KMT2E: variants seen among roughly 807,000 people sequenced by gnomAD.
KMT2E encodes the protein lysine methyltransferase 2E (inactive).
KMT2E carries 30 observed loss-of-function variants against 184.6 expected under a neutral mutation model. That is an observed-to-expected ratio of 0.16 (90% CI 0.12 to 0.22). The LOEUF (loss-of-function observed/expected upper bound fraction) is 0.22. KMT2E is among the 10% of genes least tolerant of loss of function. KMT2E has a pLI of 1.00. For synonymous variants in KMT2E, 815 were observed against 776.5 expected, an observed-to-expected ratio of 1.05 and a Z score of -0.82; for missense variants, 2,023 against 2,237.4, an observed-to-expected ratio of 0.90 and a Z score of 1.93.
Position 105,073,684 on chromosome 7 carries a change from A to T in KMT2E, c.556+7A>T, listed in dbSNP as rs1562908202. The T allele has an allele frequency of 6.4e-7, 1 of 1,557,442 alleles. No homozygotes were observed. The highest frequency in any genetic ancestry group is 2.2e-5 in the East Asian group (1 of 44,480). On this transcript the variant is annotated splice_region_variant and intron_variant, in intron 7 of 26. Transcript: ENST00000311117. ...AAAAGGGAAAATATGTCAGGTAGGTAAAAAGGACCTACACTAAATTAAAAT... is the reference window on the plus strand; with the variant it reads ...AAAAGGGAAAATATGTCAGGTAGGTTAAAAGGACCTACACTAAATTAAAAT...
intron 26 of KMT2E, chr7:105,111,336 A>C (rs1023139494): frequency 5.8e-6 from 1 of 171,290 alleles, no homozygotes; most frequent in Non-Finnish European, 1.2e-5. Flanking sequence ...ATTGACATTT[A>C]AACAGTCTTA....
intron 1 of KMT2E, among the ~76,000 whole-genome samples, chr7:105,021,778 G>T (rs903549342): frequency 1.3e-5 from 2 of 151,730 alleles, no homozygotes; most frequent in African/African-American, 4.9e-5. Context: ...TACTTGGGAG[G>T]GCTTCCAAAA....
intron 1 of KMT2E, among the ~76,000 whole-genome samples, chr7:105,015,221 T>C (rs910707925): frequency 7.9e-5 from 12 of 152,156 alleles, no homozygotes; most frequent in African/African-American, 2.7e-4. Flanking sequence ...ACAATATGGC[T>C]CATTTCAGAA....
At chr7:105,062,650 A>G (rs1796866236) in intron 4 of KMT2E, among the ~76,000 whole-genome samples, 1 of 151,828 alleles carries the variant, frequency 6.6e-6, no homozygotes. Context: ...TAAATTTTAT[A>G]GTTACCATTT....
chr7:105,107,034 A>T (rs1183278791), intron 20 of KMT2E, 132 bp from the exon 21 acceptor site: 5 of 642,116 alleles, frequency 7.8e-6, no homozygotes, highest in Non-Finnish European at 1.3e-5. Flanking sequence ...TATTTGGGGA[A>T]TGGAAATAAA....
At chr7:105,072,402 G>A (rs1327091837) in intron 6 of KMT2E, among the ~76,000 whole-genome samples, 1 of 152,130 alleles carries the variant, frequency 6.6e-6, no homozygotes, top group East Asian at 1.9e-4. Context: ...ATTATTCTGT[G>A]ATAGCTAGGA....
chr7:105,048,106 G>T (rs1220468611), intron 3 of KMT2E, among the ~76,000 whole-genome samples: 1 of 152,082 alleles, frequency 6.6e-6, no homozygotes, highest in Non-Finnish European at 1.5e-5. Context: ...GTGTGATCAT[G>T]GGTCACTGAA....
intron 1 of KMT2E, among the ~76,000 whole-genome samples, chr7:105,029,018 A>G (rs1193424738): frequency 6.6e-6 from 1 of 152,122 alleles, no homozygotes; most frequent in South Asian, 2.1e-4. Flanking sequence ...TAATCCCAGC[A>G]CTTTGGGAGG....
At chr7:105,073,598 T>A in intron 6 of KMT2E, 21 bp from the exon 7 acceptor site, 1 of 1,491,354 alleles carries the variant, frequency 6.7e-7, no homozygotes, top group Non-Finnish European at 9.3e-7. Flanking sequence ...GATAAATAAT[T>A]ATGCTAATTT....
chr7:105,097,602 G>C (rs1798466979), intron 15 of KMT2E, among the ~76,000 whole-genome samples: 1 of 152,114 alleles, frequency 6.6e-6, no homozygotes, highest in African/African-American at 2.4e-5. Flanking sequence ...GGCCAGGCTG[G>C]TCTTGAACTC....
Position 105,112,195 on chromosome 7 carries a change from C to T in KMT2E, c.4439C>T (p.Pro1480Leu). 6.2e-7 allele frequency: 1 copy of T among 1,614,116 alleles called. No homozygotes were observed. Among genetic ancestry groups the T allele is most frequent in the Non-Finnish European group, 8.5e-7 (1 of 1,180,000 alleles). ...CAGCAGTTAGGATCTCCCTACAGGCCTCATCATTCACAGTCACCTCAAGTT... is the reference window on the plus strand; with the variant it reads ...CAGCAGTTAGGATCTCCCTACAGGCTTCATCATTCACAGTCACCTCAAGTT... ...PSQQLGSPYR[P>L]HHSQSPQVGT... is the part of the protein sequence containing the mutation. Residue 1480 changes from proline (P) to leucine (L), a missense_variant, in exon 27 of 27, where the codon CCT becomes CTT. By Grantham distance (98) the Pro-to-Leu change is moderately conservative. This residue lies in a region of KMT2E where 1,108 missense variants were observed against 1,050.9 expected (regional missense o/e 1.05). Coordinates refer to ENST00000311117, the MANE Select transcript of KMT2E (RefSeq NM_182931.3).
At chr7:105,079,465 C>G (rs1179212904) in intron 12 of KMT2E, among the ~76,000 whole-genome samples, 1 of 147,556 alleles carries the variant, frequency 6.8e-6, no homozygotes, top group Non-Finnish European at 1.5e-5. Context: ...TACTTTGCAC[C>G]TTGAAGAAAT....
intron 1 of KMT2E, among the ~76,000 whole-genome samples, chr7:105,018,980 TATAAAATGAGTATTTTACTTTATATAAA>T (rs1193467845): frequency 6.6e-6 from 1 of 152,142 alleles, no homozygotes; most frequent in Non-Finnish European, 1.5e-5. Flanking sequence ...CTTTGTATAA[TATAAAATGAGTATTTTACTTTATATAAA>T]ATACTCTGTT....
At chr7:105,092,081 A>G (rs1490059538) in intron 15 of KMT2E, among the ~76,000 whole-genome samples, 1 of 152,026 alleles carries the variant, frequency 6.6e-6, no homozygotes, top group Non-Finnish European at 1.5e-5. Flanking sequence ...TCTATGTTGT[A>G]TTCCATGGAC....
intron 3 of KMT2E, among the ~76,000 whole-genome samples, chr7:105,050,536 C>G (rs1345027275): frequency 6.6e-6 from 1 of 152,180 alleles, no homozygotes; most frequent in Non-Finnish European, 1.5e-5. Flanking sequence ...CCCAAGTTGA[C>G]AGCTTCACTT....
intron 7 of KMT2E, among the ~76,000 whole-genome samples, chr7:105,074,337 T>A (rs1797444798): frequency 1.3e-5 from 2 of 152,230 alleles, no homozygotes; most frequent in Admixed American, 1.3e-4. Flanking sequence ...ATAATTTTGC[T>A]AGATATGGCT....
At position 105,014,428 on chromosome 7, in the gene KMT2E, T is replaced by A. The variant is rs2129563557; in HGVS notation, c.-296T>A. Reference sequence around the variant, plus strand: ...GGGGTGTGTGGAGCCGGGTCCTGTGTCCGCAGTGGCTGCTGTCGGGGGGTC... The same window carrying A: ...GGGGTGTGTGGAGCCGGGTCCTGTGACCGCAGTGGCTGCTGTCGGGGGGTC... On this transcript the variant is annotated 5_prime_UTR_variant, in exon 1 of 27. Coordinates refer to ENST00000311117, the MANE Select transcript of KMT2E (RefSeq NM_182931.3). 1 of 153,368 alleles carries A rather than the reference T, an allele frequency of 6.5e-6. No individual in the cohort carries two copies. Among genetic ancestry groups the A allele is most frequent in the African/African-American group, 2.4e-5 (1 of 41,416 alleles). The allele number at this position is 153,368 out of a possible 1,614,324, so 9.5% of individuals were successfully genotyped here.
intron 3 of KMT2E, among the ~76,000 whole-genome samples, chr7:105,052,826 C>T (rs1024513795): frequency 2.6e-5 from 4 of 151,924 alleles, no homozygotes; most frequent in African/African-American, 9.7e-5. Flanking sequence ...GTGATCTGCC[C>T]ACCTTGGCTT....
chr7:105,113,619 A>G lies in KMT2E; in HGVS notation c.*286A>G. ...TATGATCTTTTTTTTTTTTTTAGTT[A>G]AATTCATTTAGTGAATGTTCTATTA... is the stretch of plus-strand genomic sequence containing the variant. On this transcript the variant is annotated 3_prime_UTR_variant, in exon 27 of 27. Coordinates refer to ENST00000311117, the MANE Select transcript of KMT2E (RefSeq NM_182931.3). The G allele has an allele frequency of 3.3e-6, 1 of 301,570 alleles. No homozygotes were observed. The highest frequency in any genetic ancestry group is 6.1e-6 in the Non-Finnish European group (1 of 163,508). 18.7% of individuals were successfully genotyped at this position (301,570 alleles called of 1,614,324 possible). A position where few individuals can be genotyped will look rare whatever the true frequency, so the allele number is the denominator to read the frequency against.
Sources: gnomAD v4.1 joint callset for allele counts (sites outside exome capture counted in the v4.1 genomes callset) on GRCh38, gnomAD v4.1.1 for gene constraint, gnomAD v4.1.1 regional missense constraint, MANE v1.5 for transcripts, NCBI Gene and HGNC (gene_info 2026-07-23, HGNC 2026-07-21) for gene names.